CADM2: variants seen among roughly 807,000 people sequenced by gnomAD.
The protein encoded by CADM2 is cell adhesion molecule 2.
In CADM2, 12 loss-of-function variants were observed where a neutral mutation model predicts 49.8. The observed-to-expected ratio is 0.24, with a 90% CI of 0.15 to 0.39. CADM2 has a LOEUF of 0.39. Ranked by LOEUF, CADM2 falls within the 10% of genes least tolerant of loss-of-function variation. CADM2 has a pLI of 1.00. For missense variants in CADM2, 378 were observed against 492.3 expected, an observed-to-expected ratio of 0.77 and a Z score of 2.20; for synonymous variants, 214 against 175.4, an observed-to-expected ratio of 1.22 and a Z score of -1.74.
At chr3:85,903,959 G>A (rs1163173510) in intron 5 of CADM2, among the ~76,000 whole-genome samples, 1 of 152,024 alleles carries the variant, frequency 6.6e-6, no homozygotes, top group Non-Finnish European at 1.5e-5. Context: ...AACCTGTGAC[G>A]ACAGGAAGGC....
chr3:85,505,393 A>T (rs1261608937), intron 1 of CADM2, among the ~76,000 whole-genome samples: 2 of 152,188 alleles, frequency 1.3e-5, no homozygotes. Context: ...AAAATCTAGG[A>T]GGGGAATCAT....
At chr3:85,994,467 C>G (rs1235896827) in intron 8 of CADM2, 1 of 152,184 alleles carries the variant, frequency 6.6e-6, no homozygotes, top group Non-Finnish European at 1.5e-5. Context: ...TTATAATTTA[C>G]ATGTCCACCG....
Position 85,072,487 on chromosome 3 carries a change from T to A in CADM2, c.61+112819T>A, listed in dbSNP as rs192757086. ...TAAGTGCCATTTCAAAAAGTCAGAC[T>A]ATGTACTTGATAGAACTTAGAGGAG... On this transcript the variant is annotated intron_variant, in intron 1 of 9. Coordinates refer to ENST00000383699, the MANE Select transcript of CADM2 (RefSeq NM_001167675.2). Among the ~76,000 whole-genome samples, 3 of 152,194 alleles carry A rather than the reference T, an allele frequency of 2.0e-5. No individual in the cohort carries two copies. In the East Asian group the frequency reaches 5.8e-4, roughly 29 times the overall value.
At chr3:85,012,164 G>T (rs1476954444) in intron 1 of CADM2, among the ~76,000 whole-genome samples, 2 of 151,164 alleles carry the variant, frequency 1.3e-5, no homozygotes, top group Admixed American at 1.3e-4. Context: ...AAAAAAATGA[G>T]CTCATGCTCC....
intron 7 of CADM2, among the ~76,000 whole-genome samples, chr3:85,950,459 A>T (rs1723297133): frequency 6.6e-6 from 1 of 151,062 alleles, no homozygotes. Flanking sequence ...GGCTGGAATT[A>T]TACAGTTTCT....
intron 8 of CADM2, chr3:85,994,088 A>T (rs1729086224): frequency 6.6e-6 from 1 of 152,276 alleles, no homozygotes; most frequent in Admixed American, 6.5e-5. Context: ...TATAAATGGC[A>T]TCTTCTTCCA....
At chr3:85,311,439 G>A (rs1001277665) in intron 1 of CADM2, among the ~76,000 whole-genome samples, 13 of 151,258 alleles carry the variant, frequency 8.6e-5, no homozygotes, top group Admixed American at 6.0e-4. Context: ...GCAGTGGCGC[G>A]ATCTCGGCTC....
intron 1 of CADM2, among the ~76,000 whole-genome samples, chr3:85,533,049 G>A (rs1248446150): frequency 6.6e-6 from 1 of 152,040 alleles, no homozygotes; most frequent in Non-Finnish European, 1.5e-5. Flanking sequence ...ATAACTAATG[G>A]GTACAAGACT....
At chr3:86,014,032 T>A in intron 8 of CADM2, 1 of 1,355,642 alleles carries the variant, frequency 7.4e-7, no homozygotes, top group Non-Finnish European at 1.0e-6. Flanking sequence ...CAACTGCTTT[T>A]AGAACTTGAC....
chr3:85,300,059 A>G (rs2106983887), intron 1 of CADM2, among the ~76,000 whole-genome samples: 1 of 152,212 alleles, frequency 6.6e-6, no homozygotes, highest in South Asian at 2.1e-4. Context: ...TCTCATTTAC[A>G]TCTCATGGAA....
At chr3:85,589,889 G>T (rs1485059425) in intron 1 of CADM2, among the ~76,000 whole-genome samples, 5 of 151,872 alleles carry the variant, frequency 3.3e-5, no homozygotes, top group Admixed American at 3.3e-4. Flanking sequence ...ATACAGAAAT[G>T]AAAATAAACT....
At chr3:85,024,366 GC>G (rs1347695762) in intron 1 of CADM2, among the ~76,000 whole-genome samples, 1 of 152,064 alleles carries the variant, frequency 6.6e-6, no homozygotes, top group African/African-American at 2.4e-5. Flanking sequence ...AGATTATGTA[GC>G]CAATTAATGT....
Position 85,887,175 on chromosome 3 carries a change from C to T in CADM2, c.529+848C>T, listed in dbSNP as rs1713780830. Among the ~76,000 whole-genome samples, 9 of 141,992 alleles carry T rather than the reference C, an allele frequency of 6.3e-5. No homozygotes were observed. In the South Asian group the frequency reaches 2.1e-3, roughly 32 times the overall value. The allele number at this position is 141,992 out of a possible 152,430, so 93.2% of individuals were successfully genotyped here. A position where few individuals can be genotyped will look rare whatever the true frequency, so the allele number is the denominator to read the frequency against. ...CGATCATAGCTCACTGTACCTCGCACTCCTAGGCTCCAGTGATTTTCCCGC... is the reference window on the plus strand; with the variant it reads ...CGATCATAGCTCACTGTACCTCGCATTCCTAGGCTCCAGTGATTTTCCCGC... On this transcript the variant is annotated intron_variant, in intron 5 of 9. Transcript: ENST00000383699.
intron 1 of CADM2, among the ~76,000 whole-genome samples, chr3:85,049,926 C>T (rs2035817339): frequency 6.6e-6 from 1 of 152,032 alleles, no homozygotes; most frequent in Admixed American, 6.6e-5. Flanking sequence ...TAGAAGTTCC[C>T]CACTTACCTC....
intron 6 of CADM2, 140 bp downstream of exon 6, chr3:85,912,683 A>C: frequency 1.4e-6 from 1 of 739,092 alleles, no homozygotes; most frequent in Non-Finnish European, 2.2e-6. Context: ...TACATTCACT[A>C]GTATTAATCA....
intron 1 of CADM2, among the ~76,000 whole-genome samples, chr3:85,054,754 A>G (rs539829188): frequency 6.6e-6 from 1 of 152,048 alleles, no homozygotes; most frequent in East Asian, 1.9e-4. Context: ...ATAGACTTTA[A>G]CTTGGTGAAG....
intron 1 of CADM2, among the ~76,000 whole-genome samples, chr3:85,161,468 T>C (rs187144469): frequency 6.6e-6 from 1 of 152,212 alleles, no homozygotes; most frequent in African/African-American, 2.4e-5. Context: ...TTACATGTTA[T>C]TCCTCCAAGT....
intron 6 of CADM2, among the ~76,000 whole-genome samples, 173 bp from the exon 7 acceptor site, chr3:85,935,594 G>A (rs1721109528): frequency 1.3e-5 from 2 of 151,976 alleles, no homozygotes; most frequent in Non-Finnish European, 1.5e-5. Context: ...TGGACAGGTT[G>A]TTAGCTTTTT....
intron 1 of CADM2, among the ~76,000 whole-genome samples, chr3:85,000,283 AT>A (rs534262032): frequency 8.1e-5 from 12 of 147,540 alleles, no homozygotes; most frequent in South Asian, 2.2e-4. Context: ...CCAGCTAATT[AT>A]TTTTTTTTTG....
Sources: allele counts gnomAD v4.1 joint callset (sites outside exome capture counted in the v4.1 genomes callset), GRCh38; gene constraint gnomAD v4.1.1; transcripts MANE v1.5; gene names NCBI Gene and HGNC (gene_info 2026-07-23, HGNC 2026-07-21).